Variants in PJA2 observed in about 807,000 individuals in gnomAD.
The protein encoded by PJA2 is praja ring finger ubiquitin ligase 2.
Under a neutral mutation model 69.3 loss-of-function variants are expected in PJA2, and 25 were observed. The ratio of observed to expected loss-of-function variants is 0.36; its 90% CI spans 0.26 to 0.50. PJA2 has a LOEUF of 0.50. Among genes scored for constraint, PJA2 ranks in the 20% least tolerant of loss-of-function variants. The pLI, the probability that PJA2 is intolerant of heterozygous loss-of-function variation, is 0.96. For synonymous variants in PJA2, 308 were observed against 277.8 expected, an observed-to-expected ratio of 1.11 and a Z score of -1.08; for missense variants, 809 against 830.2, an observed-to-expected ratio of 0.97 and a Z score of 0.31.
chr5:109,375,202 C>T (rs1031758921), intron 4 of PJA2, among the ~76,000 whole-genome samples: 1 of 152,028 alleles, frequency 6.6e-6, no homozygotes, highest in Non-Finnish European at 1.5e-5. Context: ...TAAAAAGTAG[C>T]CAAAATTCCT....
intron 9 of PJA2, among the ~76,000 whole-genome samples, chr5:109,340,426 G>C (rs538941950): frequency 6.6e-6 from 1 of 151,288 alleles, no homozygotes; most frequent in African/African-American, 2.4e-5. Context: ...AAGGGAAGGA[G>C]AAAAAAAGCA....
At chr5:109,402,052 T>C (rs994328532) in intron 1 of PJA2, among the ~76,000 whole-genome samples, 11 of 152,180 alleles carry the variant, frequency 7.2e-5, no homozygotes, top group African/African-American at 1.7e-4. Flanking sequence ...ATATGGTCTA[T>C]TATTAAAGAT....
chr5:109,371,174 G>A (rs936382627), intron 4 of PJA2, among the ~76,000 whole-genome samples: 16 of 152,130 alleles, frequency 1.1e-4, no homozygotes, highest in African/African-American at 2.7e-4. Flanking sequence ...CAGACCCCAC[G>A]CCTATATCAT....
In PJA2 at chr5:109,378,976, C is replaced by G. The variant is rs779438631; in HGVS notation, c.511G>C (p.Asp171His). The G allele has an allele frequency of 1.2e-6, 2 of 1,614,058 alleles. No homozygotes were observed. Among genetic ancestry groups the G allele is most frequent in the Middle Eastern group, 3.3e-4 (2 of 6,084 alleles). ...ALVHTDSYDP[D>H]GKHGEDNDHL... ...TCATTATCTTCTCCATGTTTGCCAT[C>G]TGGATCATAAGAGTCTGTATGAACC... Residue 171 changes from aspartate to histidine, a missense_variant, in exon 4 of 10, where the codon GAT becomes CAT. Physicochemically the swap from Asp to His is moderately conservative, Grantham distance 81. Coordinates refer to ENST00000361189, the MANE Select transcript of PJA2 (RefSeq NM_014819.5).
chr5:109,346,344 C>G (rs1029373699), intron 7 of PJA2, among the ~76,000 whole-genome samples: 1 of 152,132 alleles, frequency 6.6e-6, no homozygotes, highest in Non-Finnish European at 1.5e-5. Context: ...GAGAAAACAG[C>G]CCAACAATTC....
intron 5 of PJA2, among the ~76,000 whole-genome samples, chr5:109,367,908 C>T (rs775699728): frequency 6.6e-6 from 1 of 152,128 alleles, no homozygotes; most frequent in Non-Finnish European, 1.5e-5. Context: ...GCTAGAAACC[C>T]ATAAAATAGT....
intron 2 of PJA2, among the ~76,000 whole-genome samples, chr5:109,382,178 C>T (rs1747066333): frequency 6.6e-6 from 1 of 151,970 alleles, no homozygotes; most frequent in African/African-American, 2.4e-5. Flanking sequence ...TAACAAGTAA[C>T]CTCTTTAAAT....
rs755126090 is a variant in PJA2 at position 109,379,137 on chromosome 5, T to G, written c.350A>C (p.Gln117Pro). Reference sequence around the variant, plus strand: ...ACTGTGATGTACTGCAACAAAGGATTGACTGCTCTCAGTGGTTTGATTCAA... The same window carrying G: ...ACTGTGATGTACTGCAACAAAGGATGGACTGCTCTCAGTGGTTTGATTCAA... ...SALNQTTESSQSFVAVHHSEE... is the reference protein window; with the variant it reads ...SALNQTTESSPSFVAVHHSEE... The change falls in exon 4 of 10, where the codon CAA (glutamine) becomes CCA (proline). Residue 117 changes from glutamine to proline, a missense_variant. Around this residue, in one of 4 missense-constraint regions of PJA2, gnomAD observed 700 missense variants for 639.5 expected, o/e 1.09. Coordinates refer to ENST00000361189, the MANE Select transcript of PJA2 (RefSeq NM_014819.5). The G allele has an allele frequency of 2.6e-5, 42 of 1,614,076 alleles. No individual in the cohort carries two copies. The highest frequency in any genetic ancestry group is 5.0e-5 in the Admixed American group (3 of 60,006).
intron 7 of PJA2, among the ~76,000 whole-genome samples, chr5:109,354,621 G>C (rs1038319955): frequency 1.4e-5 from 2 of 139,756 alleles, no homozygotes; most frequent in African/African-American, 5.3e-5. Flanking sequence ...AATATCTATC[G>C]ATATTAGATA....
intron 1 of PJA2, among the ~76,000 whole-genome samples, chr5:109,398,634 G>T (rs112455225): frequency 0.026 from 3,559 of 138,060 alleles, 58 homozygotes; most frequent in Non-Finnish European, 0.042. Context: ...GTTGTGGGGT[G>T]GGGGAGGGGG....
In PJA2 at chr5:109,409,956, T is replaced by TGGCGGCGGC. The variant is rs574960372; in HGVS notation, c.-211_-203dup. ...CCGAACGCGAAGCGGCTGGCGGCTG[T>TGGCGGCGGC]GGCGGCGGCGGCGGCGGTGGCGGCG... is the stretch of plus-strand genomic sequence containing the variant. On this transcript the variant is annotated 5_prime_UTR_variant, in exon 1 of 10. Coordinates refer to ENST00000361189, the MANE Select transcript of PJA2 (RefSeq NM_014819.5). 1.3e-4 allele frequency: 28 copies of TGGCGGCGGC among 210,916 alleles called. No individual in the cohort carries two copies. Among genetic ancestry groups the TGGCGGCGGC allele is most frequent in the South Asian group, 4.0e-4 (7 of 17,288 alleles). The allele number at this position is 210,916 out of a possible 1,614,324, so 13.1% of individuals were successfully genotyped here. A position where few individuals can be genotyped will look rare whatever the true frequency, so the allele number is the denominator to read the frequency against.
intron 5 of PJA2, among the ~76,000 whole-genome samples, chr5:109,363,658 C>T (rs1762534428): frequency 1.3e-5 from 2 of 152,172 alleles, no homozygotes; most frequent in South Asian, 2.1e-4. Context: ...GTTTAAATAG[C>T]TCTCCAGTTA....
chr5:109,405,356 T>C (rs937505151), intron 1 of PJA2, among the ~76,000 whole-genome samples: 4 of 152,220 alleles, frequency 2.6e-5, no homozygotes, highest in African/African-American at 9.6e-5. Context: ...CCTAAATTGA[T>C]CTATGCATTC....
chr5:109,336,163 C>G lies in PJA2; in HGVS notation c.*1068G>C, dbSNP rs1761935290. The G allele has an allele frequency of 6.6e-6, 1 of 152,380 alleles. No homozygotes were observed. The highest frequency in any genetic ancestry group is 2.1e-4 in the South Asian group (1 of 4,832). 9.4% of individuals were successfully genotyped at this position (152,380 alleles called of 1,614,324 possible). A position where few individuals can be genotyped will look rare whatever the true frequency, so the allele number is the denominator to read the frequency against. ...GGACATACACTCACTATGTGCTTTA[C>G]TATTTTACTTGCTCAAATGTTCTAC... On this transcript the variant is annotated 3_prime_UTR_variant, in exon 10 of 10. Transcript: ENST00000361189.
At chr5:109,359,311 T>C (rs752023991) in intron 6 of PJA2, among the ~76,000 whole-genome samples, 4 of 152,234 alleles carry the variant, frequency 2.6e-5, no homozygotes, top group Non-Finnish European at 4.4e-5. Flanking sequence ...GGGCTATCAG[T>C]AGTTAACCTT....
intron 2 of PJA2, 56 bp downstream of exon 2, chr5:109,383,347 G>A: frequency 6.6e-7 from 1 of 1,514,184 alleles, no homozygotes; most frequent in South Asian, 1.1e-5. Flanking sequence ...TGGTACTCAA[G>A]GTACCCAGAG....
intron 1 of PJA2, among the ~76,000 whole-genome samples, chr5:109,394,878 T>C (rs1747372977): frequency 6.6e-6 from 1 of 152,068 alleles, no homozygotes; most frequent in African/African-American, 2.4e-5. Context: ...ACCTCACAAC[T>C]CAAAGCAAAT....
At chr5:109,357,390 G>A (rs1348031046) in intron 6 of PJA2, among the ~76,000 whole-genome samples, 7 of 152,204 alleles carry the variant, frequency 4.6e-5, no homozygotes, top group African/African-American at 1.7e-4. Flanking sequence ...CTTGAAAAGA[G>A]TAATGTTATA....
At position 109,378,791 on chromosome 5, in the gene PJA2, C is replaced by T; in HGVS notation, c.696G>A (p.Glu232=). The T allele has an allele frequency of 6.2e-7, 1 of 1,612,704 alleles. No homozygotes were observed. The highest frequency in any genetic ancestry group is 8.5e-7 in the Non-Finnish European group (1 of 1,180,012). Residue 232 remains glutamate, a synonymous_variant, in exon 4 of 10, where the codon GAG becomes GAA. Transcript: ENST00000361189. ...FNCEVRDEFE[E]LDSVPLVKSS... Reference sequence around the variant, plus strand: ...TTTTCACTAATGGTACAGAATCTAACTCTTCAAACTCATCTCTTACTTCAC... The same window carrying T: ...TTTTCACTAATGGTACAGAATCTAATTCTTCAAACTCATCTCTTACTTCAC...
Sources: allele counts gnomAD v4.1 joint callset (sites outside exome capture counted in the v4.1 genomes callset), GRCh38; gene constraint gnomAD v4.1.1; regional missense constraint gnomAD v4.1.1; transcripts MANE v1.5; gene names NCBI Gene and HGNC (gene_info 2026-07-23, HGNC 2026-07-21).